Variants in SKOR1 observed in about 807,000 individuals in gnomAD.
SKOR1 encodes LBX1 corepressor 1.
SKOR1 carries 38 observed loss-of-function variants against 72.4 expected under a neutral mutation model. The ratio of observed to expected loss-of-function variants is 0.52; its 90% CI spans 0.40 to 0.69. The LOEUF (loss-of-function observed/expected upper bound fraction) is 0.69. SKOR1 is among the 30% of genes least tolerant of loss of function. SKOR1 has a pLI of 0.00. For synonymous variants in SKOR1, 642 were observed against 599.4 expected (o/e 1.07, Z -1.04); for missense variants, 1,320 against 1,343.2 (o/e 0.98, Z 0.27).
In SKOR1 at chr15:67,832,500, G is replaced by T. The variant is rs1455960981; in HGVS notation, c.2663-107G>T. On this transcript the variant is annotated intron_variant, in intron 6 of 8. Coordinates refer to ENST00000380035, the MANE Select transcript of SKOR1 (RefSeq NM_001365915.1). The surrounding 1 kb of genome is among the most constrained non-coding windows in gnomAD (Gnocchi z 4.5). Reference sequence around the variant, plus strand: ...CCTTTTCCAGGGCTGCAGGCGAATGGCTGGGTGGGAGTTGGGGGTAGGGGT... The same window carrying T: ...CCTTTTCCAGGGCTGCAGGCGAATGTCTGGGTGGGAGTTGGGGGTAGGGGT... The T allele has an allele frequency of 1.5e-6, 2 of 1,313,084 alleles. No individual in the cohort carries two copies. The highest frequency in any genetic ancestry group is 1.2e-5 in the South Asian group (1 of 80,798). 81.3% of individuals were successfully genotyped at this position (1,313,084 alleles called of 1,614,324 possible).
rs2141366467 is a variant in SKOR1 at position 67,827,560 on chromosome 15, T to C, written c.1732T>C (p.Leu578=). The C allele has an allele frequency of 6.6e-7, 1 of 1,516,584 alleles. No individual in the cohort carries two copies. Among genetic ancestry groups the C allele is most frequent in the Non-Finnish European group, 8.8e-7 (1 of 1,139,444 alleles). 93.9% of individuals were successfully genotyped at this position (1,516,584 alleles called of 1,614,324 possible). ...DEALPPPLAP[L]PPPPPPPARK... ...GGCGCTGCCACCGCCCCTGGCCCCGTTGCCCCCGCCGCCCCCGCCGCCCGC... is the reference window on the plus strand; with the variant it reads ...GGCGCTGCCACCGCCCCTGGCCCCGCTGCCCCCGCCGCCCCCGCCGCCCGC... Residue 578 remains leucine (L), a synonymous_variant, in exon 2 of 9, where the codon TTG becomes CTG. Transcript: ENST00000380035.
At position 67,826,741 on chromosome 15, in the gene SKOR1, G is replaced by A. The variant is rs759761817; in HGVS notation, c.913G>A (p.Gly305Ser). The A allele has an allele frequency of 6.5e-7, 1 of 1,536,924 alleles. No homozygotes were observed. Among genetic ancestry groups the A allele is most frequent in the African/African-American group, 1.4e-5 (1 of 73,114 alleles). The change falls in exon 2 of 9, where the codon GGT (glycine) becomes AGT (serine). Residue 305 changes from glycine to serine, a missense_variant. By Grantham distance (56) the Gly-to-Ser change is moderately conservative. This residue lies in a region of SKOR1 where 1,099 missense variants were observed against 1,025.5 expected (regional missense o/e 1.07). Coordinates refer to ENST00000380035, the MANE Select transcript of SKOR1 (RefSeq NM_001365915.1). Reference sequence around the variant, plus strand: ...GCAGGGGAAGGGTGGTGCTGGCGGCGGTGGCGGCGGTGGCCCAGGGTGCGG... The same window carrying A: ...GCAGGGGAAGGGTGGTGCTGGCGGCAGTGGCGGCGGTGGCCCAGGGTGCGG... ...GGQGKGGAGG[G>S]GGGGPGCGAE...
In SKOR1 at chr15:67,825,886, C is replaced by A; in HGVS notation, c.108-50C>A. On this transcript the variant is annotated intron_variant, in intron 1 of 8. Coordinates refer to ENST00000380035, the MANE Select transcript of SKOR1 (RefSeq NM_001365915.1). This position sits in a 1 kb window ranked among gnomAD's most constrained non-coding sequence, Gnocchi z 5.6. Reference sequence around the variant, plus strand: ...CCTGCTGGGCGGGCCCGAGCCTCGGCGGCGGCGCTGAAAATGGCTCATCTG... The same window carrying A: ...CCTGCTGGGCGGGCCCGAGCCTCGGAGGCGGCGCTGAAAATGGCTCATCTG... 6.6e-7 allele frequency: 1 copy of A among 1,508,814 alleles called. No homozygotes were observed. The highest frequency in any genetic ancestry group is 1.3e-5 in the South Asian group (1 of 75,232). The allele number at this position is 1,508,814 out of a possible 1,614,324, so 93.5% of individuals were successfully genotyped here. A position where few individuals can be genotyped will look rare whatever the true frequency, so the allele number is the denominator to read the frequency against.
intron 4 of SKOR1, 83 bp from the exon 5 acceptor site, chr15:67,830,735 G>C (rs897465979): frequency 1.5e-6 from 2 of 1,332,952 alleles, no homozygotes; most frequent in African/African-American, 1.4e-5. Context: ...TCCCTGATTC[G>C]ATGTGGTTCC....
At position 67,826,684 on chromosome 15, in the gene SKOR1, G is replaced by C; in HGVS notation, c.856G>C (p.Gly286Arg). The change falls in exon 2 of 9, where the codon GGC (glycine) becomes CGC (arginine). Residue 286 changes from glycine (G) to arginine (R), a missense_variant. Coordinates refer to ENST00000380035, the MANE Select transcript of SKOR1 (RefSeq NM_001365915.1). ...GCGGACCTTCTCCCTACAAGGAGGC[G>C]GCGGAGGCGGTGCCAATGGCGGGTC... The part of the protein sequence containing the change: ...RKRTFSLQGG[G>R]GGGANGGSGG... The C allele has an allele frequency of 6.3e-7, 1 of 1,578,316 alleles. No homozygotes were observed.
Position 67,827,470 on chromosome 15 carries a change from G to A in SKOR1, c.1642G>A (p.Gly548Ser), listed in dbSNP as rs893093147. 6.6e-7 allele frequency: 1 copy of A among 1,520,948 alleles called. No individual in the cohort carries two copies. The highest frequency in any genetic ancestry group is 1.2e-5 in the South Asian group (1 of 82,736). The allele number at this position is 1,520,948 out of a possible 1,614,324, so 94.2% of individuals were successfully genotyped here. A position where few individuals can be genotyped will look rare whatever the true frequency, so the allele number is the denominator to read the frequency against. The change falls in exon 2 of 9, where the codon GGC becomes AGC. Residue 548 changes from glycine to serine, a missense_variant. Gly to Ser is a moderately conservative substitution (Grantham distance 56). Around this residue, in one of 3 missense-constraint regions of SKOR1, gnomAD observed 1,099 missense variants for 1,025.5 expected, o/e 1.07. Coordinates refer to ENST00000380035, the MANE Select transcript of SKOR1 (RefSeq NM_001365915.1). ...GAEPAKESGLGAEERCPSALS... is the reference protein window; with the variant it reads ...GAEPAKESGLSAEERCPSALS... ...CGAGCCAGCCAAAGAGAGTGGCCTC[G>A]GCGCGGAGGAGCGCTGCCCGAGCGC...
At position 67,825,727 on chromosome 15, in the gene SKOR1, T is replaced by C; in HGVS notation, c.107+18T>C. The C allele has an allele frequency of 1.2e-6, 1 of 851,950 alleles. No individual in the cohort carries two copies. Among genetic ancestry groups the C allele is most frequent in the South Asian group, 1.4e-5 (1 of 70,468 alleles). 52.8% of individuals were successfully genotyped at this position (851,950 alleles called of 1,614,324 possible). ...TTCCTGAGGTCTCCTTTACCCCTTC[T>C]CCTCCCCCAAGCCCCGGGGGCTGTT... On this transcript the variant is annotated intron_variant, in intron 1 of 8. Transcript: ENST00000380035. This position sits in a 1 kb window ranked among gnomAD's most constrained non-coding sequence, Gnocchi z 5.6.
Position 67,832,476 on chromosome 15 carries a change from C to A in SKOR1, c.2662+128C>A. 1 of 1,335,394 alleles carries A rather than the reference C, an allele frequency of 7.5e-7. No homozygotes were observed. The highest frequency in any genetic ancestry group is 1.1e-6 in the Non-Finnish European group (1 of 942,894). The allele number at this position is 1,335,394 out of a possible 1,614,324, so 82.7% of individuals were successfully genotyped here. ...GCCCTGCAGGAGACAAGAAACTGTCCTTTTCCAGGGCTGCAGGCGAATGGC... is the reference window on the plus strand; with the variant it reads ...GCCCTGCAGGAGACAAGAAACTGTCATTTTCCAGGGCTGCAGGCGAATGGC... On this transcript the variant is annotated intron_variant, in intron 6 of 8. Transcript: ENST00000380035. This position sits in a 1 kb window ranked among gnomAD's most constrained non-coding sequence, Gnocchi z 4.5.
chr15:67,828,165 G>A (rs1290638241), intron 2 of SKOR1, 21 bp downstream of exon 2: 2 of 1,420,092 alleles, frequency 1.4e-6, no homozygotes, highest in East Asian at 2.9e-5. Flanking sequence ...CGCCCGCCCC[G>A]CCAGTGGCGC....
rs1224490367 is a variant in SKOR1, at chr15:67,832,529, A to AG, written c.2663-71dup. On this transcript the variant is annotated intron_variant, in intron 6 of 8. Transcript: ENST00000380035. This position sits in a 1 kb window ranked among gnomAD's most constrained non-coding sequence, Gnocchi z 4.5. Reference sequence around the variant, plus strand: ...GGTGGGAGTTGGGGGTAGGGGTGAAAGGGGGGGCCAGGAGTGAGAAAGTGG... The same window carrying AG: ...GGTGGGAGTTGGGGGTAGGGGTGAAAGGGGGGGGCCAGGAGTGAGAAAGTGG... 43 of 1,412,056 alleles carry AG rather than the reference A, an allele frequency of 3.0e-5. 1 individual carries two copies. Among genetic ancestry groups the AG allele is most frequent in the South Asian group, 1.1e-4 (9 of 84,736 alleles). The allele number at this position is 1,412,056 out of a possible 1,614,324, so 87.5% of individuals were successfully genotyped here.
chr15:67,830,010 G>C (rs956852601), intron 3 of SKOR1, among the ~76,000 whole-genome samples, 181 bp from the exon 4 acceptor site: 3 of 152,146 alleles, frequency 2.0e-5, no homozygotes, highest in African/African-American at 7.2e-5. Flanking sequence ...AGCAGACCAG[G>C]CGCGGGGGTG....
At chr15:67,830,980 G>A (rs1458908178) in intron 5 of SKOR1, 91 bp downstream of exon 5, 20 of 1,352,278 alleles carry the variant, frequency 1.5e-5, no homozygotes, top group Non-Finnish European at 2.0e-5. Flanking sequence ...GGGGGTGAGT[G>A]TGGAAAAGAC....
In SKOR1 at chr15:67,832,395, C is replaced by T. The variant is rs752419988; in HGVS notation, c.2662+47C>T. ...CACCCCACCTCATCACCGAGCCTTCCACCAGGGTGCCCCGACCTACTCCGA... is the reference window on the plus strand; with the variant it reads ...CACCCCACCTCATCACCGAGCCTTCTACCAGGGTGCCCCGACCTACTCCGA... On this transcript the variant is annotated intron_variant, in intron 6 of 8. Transcript: ENST00000380035. This position sits in a 1 kb window ranked among gnomAD's most constrained non-coding sequence, Gnocchi z 4.5. 2.5e-6 allele frequency: 4 copies of T among 1,601,572 alleles called. No individual in the cohort carries two copies. In the Admixed American group the frequency reaches 5.0e-5, roughly 20 times the overall value.
chr15:67,829,108 G>C lies in SKOR1; in HGVS notation c.2317-71G>C, dbSNP rs532507124. The C allele has an allele frequency of 2.6e-5, 36 of 1,384,144 alleles. No individual in the cohort carries two copies. In the Admixed American group the frequency reaches 5.8e-4, roughly 22 times the overall value. 85.7% of individuals were successfully genotyped at this position (1,384,144 alleles called of 1,614,324 possible). On this transcript the variant is annotated intron_variant, in intron 2 of 8. Transcript: ENST00000380035. ...CGTCGGCTTTCCCTCTTGGCCGCGG[G>C]GTAGGGCTGGGCGTCTTTGGGCCGC...
Position 67,833,648 on chromosome 15 carries a change from A to C in SKOR1, c.2804-94A>C. On this transcript the variant is annotated intron_variant, in intron 8 of 8. Coordinates refer to ENST00000380035, the MANE Select transcript of SKOR1 (RefSeq NM_001365915.1). The surrounding 1 kb of genome is among the most constrained non-coding windows in gnomAD (Gnocchi z 6.0). ...CTCGGTTGAGATTCCCTGACCCCAAAGGGTTGGTAAGGCCGGGGAGGGGAA... is the reference window on the plus strand; with the variant it reads ...CTCGGTTGAGATTCCCTGACCCCAACGGGTTGGTAAGGCCGGGGAGGGGAA... 1 of 1,307,532 alleles carries C rather than the reference A, an allele frequency of 7.6e-7. No homozygotes were observed. Among genetic ancestry groups the C allele is most frequent in the South Asian group, 1.2e-5 (1 of 84,846 alleles). 81.0% of individuals were successfully genotyped at this position (1,307,532 alleles called of 1,614,324 possible). A position where few individuals can be genotyped will look rare whatever the true frequency, so the allele number is the denominator to read the frequency against.
At position 67,832,387 on chromosome 15, in the gene SKOR1, G is replaced by T. The variant is rs759253274; in HGVS notation, c.2662+39G>T. ...TCCTGCCTCACCCCACCTCATCACC[G>T]AGCCTTCCACCAGGGTGCCCCGACC... On this transcript the variant is annotated intron_variant, in intron 6 of 8. Coordinates refer to ENST00000380035, the MANE Select transcript of SKOR1 (RefSeq NM_001365915.1). This position sits in a 1 kb window ranked among gnomAD's most constrained non-coding sequence, Gnocchi z 4.5. The T allele has an allele frequency of 6.2e-7, 1 of 1,607,752 alleles. No homozygotes were observed. The highest frequency in any genetic ancestry group is 8.5e-7 in the Non-Finnish European group (1 of 1,174,938).
chr15:67,826,188 C>G lies in SKOR1; in HGVS notation c.360C>G (p.Arg120=), dbSNP rs961360222. 7 of 1,613,286 alleles carry G rather than the reference C, an allele frequency of 4.3e-6. No individual in the cohort carries two copies. The highest frequency in any genetic ancestry group is 5.9e-6 in the Non-Finnish European group (7 of 1,179,784). ...NYSYNEIHNR[R]VALGITCVQC... ...GCTATAATGAGATCCACAACCGCCG[C>G]GTGGCCCTGGGCATCACGTGCGTGC... is the stretch of plus-strand genomic sequence containing the variant. Residue 120 remains arginine (R), a synonymous_variant, in exon 2 of 9, where the codon CGC becomes CGG. Transcript: ENST00000380035.
chr15:67,826,706 G>A lies in SKOR1; in HGVS notation c.878G>A (p.Gly293Glu). 6.4e-7 allele frequency: 1 copy of A among 1,552,816 alleles called. No individual in the cohort carries two copies. Residue 293 changes from glycine (G) to glutamate (E), a missense_variant, in exon 2 of 9, where the codon GGG (glycine) becomes GAG (glutamate). Gly to Glu is a moderately conservative substitution (Grantham distance 98). Coordinates refer to ENST00000380035, the MANE Select transcript of SKOR1 (RefSeq NM_001365915.1). ...QGGGGGGANGGSGGQGKGGAG... is the reference protein window; with the variant it reads ...QGGGGGGANGESGGQGKGGAG... ...GGCGGCGGAGGCGGTGCCAATGGCGGGTCGGGTGGGCAGGGGAAGGGTGGT... is the reference window on the plus strand; with the variant it reads ...GGCGGCGGAGGCGGTGCCAATGGCGAGTCGGGTGGGCAGGGGAAGGGTGGT...
At position 67,826,150 on chromosome 15, in the gene SKOR1, C is replaced by A. The variant is rs1448162706; in HGVS notation, c.322C>A (p.Leu108Ile). ...LCLAQISNTL[L>I]KNYSYNEIHN... ...CCTGGCGCAGATCTCCAACACCCTC[C>A]TCAAGAACTACAGCTATAATGAGAT... is the stretch of plus-strand genomic sequence containing the variant. Residue 108 changes from leucine to isoleucine, a missense_variant, in exon 2 of 9, where the codon CTC becomes ATC. Transcript: ENST00000380035. 1 of 1,608,702 alleles carries A rather than the reference C, an allele frequency of 6.2e-7. No individual in the cohort carries two copies. Among genetic ancestry groups the A allele is most frequent in the African/African-American group, 1.3e-5 (1 of 74,830 alleles).
Sources: gnomAD v4.1 joint callset for allele counts (sites outside exome capture counted in the v4.1 genomes callset) on GRCh38, gnomAD v4.1.1 for gene constraint, gnomAD v4.1.1 regional missense constraint, Gnocchi (gnomAD v3.1) non-coding constraint, MANE v1.5 for transcripts, NCBI Gene and HGNC (gene_info 2026-07-23, HGNC 2026-07-21) for gene names.